AUTS2: variants seen among roughly 807,000 people sequenced by gnomAD.
AUTS2 encodes activator of transcription and developmental regulator AUTS2.
In AUTS2, 17 loss-of-function variants were observed where a neutral mutation model predicts 112.4. The observed-to-expected ratio is 0.15, with a 90% CI of 0.10 to 0.23. AUTS2 has a LOEUF of 0.23. AUTS2 is among the 10% of genes least tolerant of loss of function. The pLI is 1.00. For synonymous variants in AUTS2, 751 were observed against 702.7 expected, an observed-to-expected ratio of 1.07 and a Z score of -1.09; for missense variants, 1,510 against 1,701.6, an observed-to-expected ratio of 0.89 and a Z score of 1.98.
At chr7:70,781,896 G>T in intron 15 of AUTS2, 140 bp downstream of exon 15, 1 of 1,068,710 alleles carries the variant, frequency 9.4e-7, no homozygotes. Flanking sequence ...AGGCAACATC[G>T]CAGCACATCC....
At chr7:69,766,437 C>T (rs920650175) in intron 1 of AUTS2, among the ~76,000 whole-genome samples, 7 of 152,066 alleles carry the variant, frequency 4.6e-5, no homozygotes, top group Non-Finnish European at 8.8e-5. Context: ...CTTGAGAACC[C>T]CCTTTAAATT....
chr7:69,611,936 CAAAA>C (rs896215968), intron 1 of AUTS2, among the ~76,000 whole-genome samples: 5 of 85,756 alleles, frequency 5.8e-5, no homozygotes, highest in Admixed American at 2.8e-4. Flanking sequence ...GACTCCGTCT[CAAAA>C]AAAAAAAAAA....
intron 5 of AUTS2, among the ~76,000 whole-genome samples, chr7:70,439,049 T>C (rs1796013359): frequency 6.6e-6 from 1 of 152,206 alleles, no homozygotes; most frequent in Non-Finnish European, 1.5e-5. Flanking sequence ...ATTTATAAAA[T>C]GATACCCTTA....
intron 5 of AUTS2, among the ~76,000 whole-genome samples, chr7:70,470,452 TAG>T (rs1392544886): frequency 2.0e-5 from 3 of 152,180 alleles, no homozygotes; most frequent in African/African-American, 7.2e-5. Flanking sequence ...GTCTGCTCAA[TAG>T]AGAGAGGAGA....
At chr7:69,621,285 A>G (rs1583955761) in intron 1 of AUTS2, among the ~76,000 whole-genome samples, 1 of 152,128 alleles carries the variant, frequency 6.6e-6, no homozygotes, top group African/African-American at 2.4e-5. Context: ...GACTTGAACC[A>G]CTACATAAGG....
At chr7:70,512,557 C>G (rs1046835424) in intron 5 of AUTS2, among the ~76,000 whole-genome samples, 1 of 152,010 alleles carries the variant, frequency 6.6e-6, no homozygotes, top group Non-Finnish European at 1.5e-5. Flanking sequence ...AGGAAAACAT[C>G]GAAACATCCA....
chr7:70,428,658 T>C (rs1274878299), intron 4 of AUTS2, among the ~76,000 whole-genome samples: 7 of 152,250 alleles, frequency 4.6e-5, no homozygotes, highest in Non-Finnish European at 1.0e-4. Context: ...AGCAGTGGTA[T>C]TCAGCCCTGA....
At chr7:70,078,916 C>G (rs1803168562) in intron 2 of AUTS2, among the ~76,000 whole-genome samples, 1 of 152,220 alleles carries the variant, frequency 6.6e-6, no homozygotes, top group Admixed American at 6.5e-5. Context: ...AGAGAGCTTT[C>G]AGACACATCT....
At chr7:70,031,226 A>G (rs1330378419) in intron 2 of AUTS2, among the ~76,000 whole-genome samples, 4 of 152,164 alleles carry the variant, frequency 2.6e-5, no homozygotes, top group African/African-American at 9.7e-5. Flanking sequence ...GGATTAGACA[A>G]TGTTAATTCA....
chr7:70,521,049 T>C (rs879779434), intron 5 of AUTS2, among the ~76,000 whole-genome samples: 4 of 152,182 alleles, frequency 2.6e-5, no homozygotes, highest in Admixed American at 2.0e-4. Flanking sequence ...ACAGAATCCA[T>C]GTCAACTACT....
intron 2 of AUTS2, among the ~76,000 whole-genome samples, chr7:70,065,732 G>T (rs1802459421): frequency 6.6e-6 from 1 of 151,976 alleles, no homozygotes; most frequent in South Asian, 2.1e-4. Context: ...TTTTAATAGG[G>T]TCCCACCCTG....
intron 2 of AUTS2, among the ~76,000 whole-genome samples, chr7:70,054,422 C>T (rs1012065855): frequency 6.6e-6 from 1 of 151,992 alleles, no homozygotes; most frequent in Admixed American, 6.6e-5. Context: ...CTAGGCTGAC[C>T]GTAACCCCAT....
At chr7:69,971,414 T>G (rs1431450606) in intron 2 of AUTS2, among the ~76,000 whole-genome samples, 2 of 152,218 alleles carry the variant, frequency 1.3e-5, no homozygotes, top group Non-Finnish European at 2.9e-5. Context: ...GTAATAATAG[T>G]ACAATATGCA....
chr7:70,573,032 A>C (rs1271541383), intron 5 of AUTS2, among the ~76,000 whole-genome samples: 1 of 152,214 alleles, frequency 6.6e-6, no homozygotes, highest in African/African-American at 2.4e-5. Context: ...TTCATGATGG[A>C]CTTCGACTCT....
intron 2 of AUTS2, among the ~76,000 whole-genome samples, chr7:70,038,832 C>T (rs1286458380): frequency 1.3e-5 from 2 of 152,112 alleles, no homozygotes; most frequent in African/African-American, 2.4e-5. Context: ...GATCTCAGCT[C>T]ACGGTAACCT....
chr7:69,601,610 G>A (rs984917980), intron 1 of AUTS2, among the ~76,000 whole-genome samples: 2 of 152,036 alleles, frequency 1.3e-5, no homozygotes, highest in Non-Finnish European at 2.9e-5. Flanking sequence ...GGTGGTATTG[G>A]TGGTGGTCGT....
chr7:70,471,012 C>T (rs183034620), intron 5 of AUTS2, among the ~76,000 whole-genome samples: 1 of 152,246 alleles, frequency 6.6e-6, no homozygotes, highest in Non-Finnish European at 1.5e-5. Context: ...GCAAGTGACA[C>T]CTTTAAACAG....
chr7:70,087,275 A>T (rs1383087278), intron 2 of AUTS2, among the ~76,000 whole-genome samples: 1 of 130,694 alleles, frequency 7.7e-6, no homozygotes, highest in African/African-American at 3.0e-5. Flanking sequence ...TGATTTTCAA[A>T]TTTTTTTTAT....
chr7:70,327,500 T>C (rs1291644685), intron 4 of AUTS2, among the ~76,000 whole-genome samples: 2 of 152,228 alleles, frequency 1.3e-5, no homozygotes, highest in Non-Finnish European at 2.9e-5. Context: ...GCCTTGAGAA[T>C]AGTACTCCAG....
Sources: allele counts gnomAD v4.1 joint callset (sites outside exome capture counted in the v4.1 genomes callset), GRCh38; gene constraint gnomAD v4.1.1; transcripts MANE v1.5; gene names NCBI Gene and HGNC (gene_info 2026-07-23, HGNC 2026-07-21).